Variants in CHD9 observed in about 807,000 individuals in gnomAD.
The protein encoded by CHD9 is chromodomain helicase DNA binding protein 9, also known as ATP-dependent chromatin remodeler CHD9.
Under a neutral mutation model 316.1 loss-of-function variants are expected in CHD9, and 77 were observed. The ratio of observed to expected loss-of-function variants is 0.24; its 90% CI spans 0.20 to 0.29. The LOEUF is 0.29. CHD9 is among the 10% of genes least tolerant of loss of function. The probability of loss-of-function intolerance (pLI) is 1.00; values close to 1 mark genes in which losing one functional copy is unlikely to be tolerated. For synonymous variants in CHD9, 1,129 were observed against 1,158.3 expected, an observed-to-expected ratio of 0.97 and a Z score of 0.51; for missense variants, 2,763 against 3,438.1, an observed-to-expected ratio of 0.80 and a Z score of 4.91.
chr16:53,060,120 G>T (rs2032680866), intron 1 of CHD9, among the ~76,000 whole-genome samples: 1 of 152,196 alleles, frequency 6.6e-6, no homozygotes, highest in Non-Finnish European at 1.5e-5. Flanking sequence ...AAGGAGGGAG[G>T]ATTGCTTGGG....
intron 1 of CHD9, among the ~76,000 whole-genome samples, chr16:53,063,767 G>A (rs961075377): frequency 2.0e-5 from 3 of 150,340 alleles, no homozygotes; most frequent in Non-Finnish European, 2.9e-5. Context: ...TCCTGACCTC[G>A]TGACCCGCCC....
chr16:53,248,981 T>C (rs1371568269), intron 16 of CHD9, among the ~76,000 whole-genome samples: 2 of 152,184 alleles, frequency 1.3e-5, no homozygotes, highest in African/African-American at 4.8e-5. Context: ...TTTTAAAATG[T>C]ATAGTATTCT....
At chr16:53,184,834 A>C (rs971731779) in intron 2 of CHD9, among the ~76,000 whole-genome samples, 2 of 152,192 alleles carry the variant, frequency 1.3e-5, no homozygotes, top group East Asian at 3.9e-4. Context: ...ATATTGAGTT[A>C]GTTCTCACGA....
At chr16:53,139,797 C>A (rs761889798) in intron 1 of CHD9, among the ~76,000 whole-genome samples, 1 of 152,062 alleles carries the variant, frequency 6.6e-6, no homozygotes, top group African/African-American at 2.4e-5. Flanking sequence ...CTATTTAAAG[C>A]CTTCGAAAAT....
chr16:53,243,178 GAAA>G (rs1172755013), intron 13 of CHD9, among the ~76,000 whole-genome samples, 162 bp downstream of exon 13: 1 of 151,664 alleles, frequency 6.6e-6, no homozygotes, highest in Non-Finnish European at 1.5e-5. Context: ...TAATTTGTAA[GAAA>G]AAAAATTCTG....
chr16:53,057,139 T>C (rs9926870), intron 1 of CHD9, among the ~76,000 whole-genome samples: 50,909 of 151,902 alleles, frequency 0.34, 9,438 homozygotes, highest in Non-Finnish European at 0.43. Context: ...AGTAAGACCC[T>C]ATATCTTTAT....
At chr16:53,270,681 G>C (rs994276165) in intron 22 of CHD9, among the ~76,000 whole-genome samples, 3 of 152,042 alleles carry the variant, frequency 2.0e-5, no homozygotes, top group Non-Finnish European at 4.4e-5. Context: ...AAATGGGAGA[G>C]GAAACGGCAA....
At chr16:53,058,476 G>A (rs2032436245) in intron 1 of CHD9, among the ~76,000 whole-genome samples, 1 of 152,188 alleles carries the variant, frequency 6.6e-6, no homozygotes, top group South Asian at 2.1e-4. Flanking sequence ...TGATCTGCCA[G>A]GCAGAAGGTG....
At chr16:53,138,193 G>T (rs1167619375) in intron 1 of CHD9, among the ~76,000 whole-genome samples, 2 of 152,166 alleles carry the variant, frequency 1.3e-5, no homozygotes, top group Non-Finnish European at 2.9e-5. Flanking sequence ...ACTTCAAGAA[G>T]GGCACTAAGA....
intron 1 of CHD9, among the ~76,000 whole-genome samples, chr16:53,104,589 T>A (rs1468307956): frequency 3.3e-5 from 5 of 152,104 alleles, no homozygotes; most frequent in Admixed American, 3.3e-4. Context: ...GGCGGGCAGA[T>A]CACTTGAGGT....
At chr16:53,279,068 A>C (rs1347044655) in intron 24 of CHD9, among the ~76,000 whole-genome samples, 1 of 152,226 alleles carries the variant, frequency 6.6e-6, no homozygotes, top group Non-Finnish European at 1.5e-5. Context: ...ACGTACGTAT[A>C]TTGCGGCACT....
At chr16:53,189,482 G>A (rs1199654393) in intron 2 of CHD9, among the ~76,000 whole-genome samples, 1 of 151,610 alleles carries the variant, frequency 6.6e-6, no homozygotes, top group African/African-American at 2.4e-5. Flanking sequence ...TCAGATATTA[G>A]CCTTGCACTC....
At position 53,327,026 on chromosome 16, in the gene CHD9, T is replaced by A. The variant is rs2057566198; in HGVS notation, c.*2131T>A. On this transcript the variant is annotated 3_prime_UTR_variant, in exon 39 of 39. Coordinates refer to ENST00000447540, the MANE Select transcript of CHD9 (RefSeq NM_001308319.2). ...CTATATAATAAGGCAATTACAGTTT[T>A]CAAAGCATTAAGTCTAACATAACTT... 6.6e-6 allele frequency: 1 copy of A among 152,518 alleles called. No individual in the cohort carries two copies. The highest frequency in any genetic ancestry group is 1.5e-5 in the Non-Finnish European group (1 of 67,958). 9.4% of individuals were successfully genotyped at this position (152,518 alleles called of 1,614,324 possible).
intron 1 of CHD9, among the ~76,000 whole-genome samples, chr16:53,086,883 T>C (rs191893122): frequency 4.0e-4 from 61 of 152,300 alleles, no homozygotes; most frequent in African/African-American, 1.4e-3. Flanking sequence ...AGTATCTTAC[T>C]ATCAAATGTA....
chr16:53,089,858 C>T (rs553644589), intron 1 of CHD9, among the ~76,000 whole-genome samples: 1 of 152,176 alleles, frequency 6.6e-6, no homozygotes. Context: ...CGAGGAACAC[C>T]CTCACATGAC....
intron 1 of CHD9, among the ~76,000 whole-genome samples, chr16:53,061,015 C>T (rs994160451): frequency 6.6e-6 from 1 of 151,462 alleles, no homozygotes; most frequent in Non-Finnish European, 1.5e-5. Flanking sequence ...AACCTCCGCC[C>T]CCCCGGGTTC....
chr16:53,226,027 G>T (rs2047624446), intron 4 of CHD9, among the ~76,000 whole-genome samples: 1 of 151,842 alleles, frequency 6.6e-6, no homozygotes, highest in African/African-American at 2.4e-5. Context: ...TAGTAATAAA[G>T]GTATTCCTAA....
chr16:53,304,684 TTTTCTTTTC>T (rs1328767346), intron 31 of CHD9, 59 bp downstream of exon 31: 112 of 1,032,422 alleles, frequency 1.1e-4, no homozygotes, highest in South Asian at 3.7e-4. Flanking sequence ...TTTTCTTTTC[TTTTCTTTTC>T]TTTTTTTTTT....
intron 24 of CHD9, among the ~76,000 whole-genome samples, chr16:53,279,903 T>C (rs1015618156): frequency 7.2e-5 from 11 of 152,014 alleles, no homozygotes; most frequent in African/African-American, 2.7e-4. Flanking sequence ...GTACAAGTGG[T>C]CAACAAACAT....
Sources: allele counts gnomAD v4.1 joint callset (sites outside exome capture counted in the v4.1 genomes callset), GRCh38; gene constraint gnomAD v4.1.1; transcripts MANE v1.5; gene names NCBI Gene and HGNC (gene_info 2026-07-23, HGNC 2026-07-21).